PTPRT: variants seen among roughly 807,000 people sequenced by gnomAD.
The protein encoded by PTPRT is protein tyrosine phosphatase receptor type T, also known as receptor-type tyrosine-protein phosphatase T.
Under a neutral mutation model 176.8 loss-of-function variants are expected in PTPRT, and 56 were observed. The observed-to-expected ratio is 0.32, with a 90% CI of 0.26 to 0.40. The LOEUF is 0.40. PTPRT is among the 10% of genes least tolerant of loss of function. PTPRT has a pLI of 1.00. For synonymous variants in PTPRT, 783 were observed against 739.0 expected (o/e 1.06, Z -0.96); for missense variants, 1,540 against 1,908.2 (o/e 0.81, Z 3.60).
chr20:43,066,240 C>T (rs1398693708), intron 1 of PTPRT, among the ~76,000 whole-genome samples: 1 of 152,192 alleles, frequency 6.6e-6, no homozygotes, highest in African/African-American at 2.4e-5. Context: ...GCTTCCTGCT[C>T]ATGCAAGAAG....
intron 9 of PTPRT, among the ~76,000 whole-genome samples, chr20:42,361,450 C>T (rs917615495): frequency 5.3e-5 from 8 of 152,072 alleles, no homozygotes; most frequent in Non-Finnish European, 1.0e-4. Context: ...CTGCTCTCAC[C>T]GATACAATGT....
chr20:42,396,853 C>A (rs913542105), intron 9 of PTPRT, among the ~76,000 whole-genome samples: 2 of 152,176 alleles, frequency 1.3e-5, no homozygotes, highest in African/African-American at 2.4e-5. Context: ...CCACTGAGCC[C>A]GGTCACTTTG....
rs1054054952 is a variant in PTPRT at position 42,649,436 on chromosome 20, C to T, written c.1153+28430G>A. On this transcript the variant is annotated intron_variant, in intron 7 of 30. Coordinates refer to ENST00000373187, the MANE Select transcript of PTPRT (RefSeq NM_007050.6). Reference sequence around the variant, plus strand: ...GGACACAGCCAAACCATATCACATGCCTTGATGGCCATGCAGAACACTCAT... The same window carrying T: ...GGACACAGCCAAACCATATCACATGTCTTGATGGCCATGCAGAACACTCAT... Among the ~76,000 whole-genome samples the T allele has an allele frequency of 5.3e-5, 8 of 152,188 alleles. No individual in the cohort carries two copies. In the East Asian group the frequency reaches 1.5e-3, roughly 29 times the overall value.
At chr20:42,731,719 C>T (rs1811223664) in intron 6 of PTPRT, among the ~76,000 whole-genome samples, 1 of 152,152 alleles carries the variant, frequency 6.6e-6, no homozygotes, top group South Asian at 2.1e-4. Flanking sequence ...CCCCTGTGGC[C>T]TCTAAGGTCT....
intron 7 of PTPRT, among the ~76,000 whole-genome samples, chr20:42,626,336 T>C (rs1334027672): frequency 6.6e-6 from 1 of 152,116 alleles, no homozygotes; most frequent in Non-Finnish European, 1.5e-5. Context: ...CTCTGTTCCC[T>C]TTGAACTTGC....
intron 1 of PTPRT, among the ~76,000 whole-genome samples, chr20:42,990,231 T>A (rs1983824614): frequency 6.6e-6 from 1 of 152,200 alleles, no homozygotes; most frequent in African/African-American, 2.4e-5. Flanking sequence ...CTGCTTATTC[T>A]AAATAAAGTT....
intron 1 of PTPRT, among the ~76,000 whole-genome samples, chr20:42,975,892 T>TA (rs920792134): frequency 1.0e-4 from 15 of 147,790 alleles, no homozygotes; most frequent in African/African-American, 7.5e-5. Context: ...AATTAAAAAT[T>TA]AAAAAAAACT....
At chr20:42,554,627 G>GAA (rs2072828871) in intron 7 of PTPRT, among the ~76,000 whole-genome samples, 2 of 152,070 alleles carry the variant, frequency 1.3e-5, no homozygotes, top group Admixed American at 1.3e-4. Flanking sequence ...AAACTGAAGT[G>GAA]AAATTATGGA....
chr20:42,302,413 G>A (rs2057483290), intron 12 of PTPRT, among the ~76,000 whole-genome samples: 1 of 152,076 alleles, frequency 6.6e-6, no homozygotes, highest in Admixed American at 6.6e-5. Context: ...CCAATTTTGG[G>A]GCTTCTGCTC....
chr20:42,355,163 A>T (rs2058341486), intron 9 of PTPRT, among the ~76,000 whole-genome samples: 1 of 152,006 alleles, frequency 6.6e-6, no homozygotes, highest in Non-Finnish European at 1.5e-5. Flanking sequence ...ATGGGAGTTG[A>T]TGCATACATT....
At position 42,166,130 on chromosome 20, in the gene PTPRT, T is replaced by C. The variant is rs548259431; in HGVS notation, c.2492-4588A>G. On this transcript the variant is annotated intron_variant, in intron 16 of 30. Transcript: ENST00000373187. ...GGATTCAACAGACACTGGTAAATGGTAGGCTAATGTATGGGACAATGCAGG... is the reference window on the plus strand; with the variant it reads ...GGATTCAACAGACACTGGTAAATGGCAGGCTAATGTATGGGACAATGCAGG... Among the ~76,000 whole-genome samples the C allele has an allele frequency of 5.3e-5, 8 of 152,322 alleles. 1 individual carries two copies. Among genetic ancestry groups the C allele is most frequent in the Admixed American group, 5.2e-4 (8 of 15,310 alleles).
intron 1 of PTPRT, among the ~76,000 whole-genome samples, chr20:43,112,370 CA>C (rs2012899895): frequency 6.6e-6 from 1 of 152,136 alleles, no homozygotes; most frequent in Admixed American, 6.5e-5. Flanking sequence ...TGCTTGTAAA[CA>C]ATGGCATGGG....
At chr20:42,050,208 T>A in the PTPRT span, among the ~76,000 whole-genome samples, 2 of 152,158 alleles carry the variant, frequency 1.3e-5, no homozygotes, top group African/African-American at 4.8e-5. Context: ...GTGGTCTCCG[T>A]AGGATGCAGT....
chr20:42,925,480 A>C (rs1442214043), intron 1 of PTPRT, among the ~76,000 whole-genome samples: 2 of 152,212 alleles, frequency 1.3e-5, no homozygotes, highest in African/African-American at 4.8e-5. Context: ...TCTAAAACTC[A>C]GAGGCTCTTT....
At chr20:42,955,073 C>T (rs1038310247) in intron 1 of PTPRT, among the ~76,000 whole-genome samples, 1 of 151,962 alleles carries the variant, frequency 6.6e-6, no homozygotes, top group East Asian at 1.9e-4. Flanking sequence ...TAAGAAACGC[C>T]GCACACTCTA....
intron 16 of PTPRT, among the ~76,000 whole-genome samples, chr20:42,192,933 G>A (rs1991057114): frequency 1.3e-5 from 2 of 152,190 alleles, no homozygotes; most frequent in Non-Finnish European, 2.9e-5. Flanking sequence ...TCCTGAGGCA[G>A]GAGTTTCAGG....
At chr20:42,721,334 A>T (rs1386220944) in intron 6 of PTPRT, among the ~76,000 whole-genome samples, 1 of 152,178 alleles carries the variant, frequency 6.6e-6, no homozygotes, top group African/African-American at 2.4e-5. Flanking sequence ...TGAACTGGAG[A>T]TGAGATGGAT....
At chr20:42,869,344 C>A (rs1180532228) in intron 2 of PTPRT, among the ~76,000 whole-genome samples, 1 of 152,132 alleles carries the variant, frequency 6.6e-6, no homozygotes, top group Non-Finnish European at 1.5e-5. Flanking sequence ...GGGGCACGCC[C>A]AGCAAAGCCA....
At chr20:42,278,928 G>A (rs1213742833) in intron 13 of PTPRT, among the ~76,000 whole-genome samples, 2 of 152,044 alleles carry the variant, frequency 1.3e-5, no homozygotes, top group African/African-American at 4.8e-5. Context: ...TACCTATGTT[G>A]AGCCCATCCC....
Sources: gnomAD v4.1 joint callset for allele counts (sites outside exome capture counted in the v4.1 genomes callset) on GRCh38, gnomAD v4.1.1 for gene constraint, MANE v1.5 for transcripts, NCBI Gene and HGNC (gene_info 2026-07-23, HGNC 2026-07-21) for gene names.